OXR1: variants seen among roughly 807,000 people sequenced by gnomAD.
OXR1 encodes the protein oxidation resistance protein 1.
Under a neutral mutation model 104.6 loss-of-function variants are expected in OXR1, and 41 were observed. The ratio of observed to expected loss-of-function variants is 0.39; its 90% CI spans 0.31 to 0.51. The LOEUF is 0.51. OXR1 is among the 20% of genes least tolerant of loss of function. The probability of loss-of-function intolerance (pLI) is 0.77; values close to 1 mark genes in which losing one functional copy is unlikely to be tolerated. For missense variants in OXR1, 955 were observed against 1,031.9 expected, an observed-to-expected ratio of 0.93 and a Z score of 1.02; for synonymous variants, 348 against 348.4, an observed-to-expected ratio of 1.00 and a Z score of 0.01.
intron 3 of OXR1, among the ~76,000 whole-genome samples, chr8:106,655,232 C>A (rs1314067389): frequency 1.3e-5 from 2 of 151,860 alleles, no homozygotes; most frequent in Non-Finnish European, 2.9e-5. Flanking sequence ...GGCTTTATAA[C>A]CCTGAATTGT....
At chr8:106,441,167 A>T (rs1819765332) in intron 2 of OXR1, among the ~76,000 whole-genome samples, 1 of 152,156 alleles carries the variant, frequency 6.6e-6, no homozygotes, top group Admixed American at 6.6e-5. Context: ...CTGTTCACTG[A>T]ATAGATCCTT....
At chr8:106,402,630 A>T (rs990945873) in intron 2 of OXR1, among the ~76,000 whole-genome samples, 2 of 152,180 alleles carry the variant, frequency 1.3e-5, no homozygotes, top group Non-Finnish European at 1.5e-5. Flanking sequence ...ACCAGTGTCC[A>T]GTATTTCTCC....
At chr8:106,679,178 A>C (rs769302105) in intron 3 of OXR1, 32 bp from the exon 4 acceptor site, 1 of 1,312,890 alleles carries the variant, frequency 7.6e-7, no homozygotes, top group Non-Finnish European at 1.1e-6. Context: ...AAGAAAGATG[A>C]ATTTAATAGG....
chr8:106,396,255 T>C (rs1225349164), intron 2 of OXR1, among the ~76,000 whole-genome samples: 1 of 151,696 alleles, frequency 6.6e-6, no homozygotes, highest in East Asian at 1.9e-4. Context: ...TTCCAAAGAA[T>C]AGTGTTTGGA....
intron 3 of OXR1, among the ~76,000 whole-genome samples, chr8:106,642,402 G>C (rs1311520251): frequency 6.6e-6 from 1 of 152,140 alleles, no homozygotes; most frequent in East Asian, 1.9e-4. Flanking sequence ...TTCCTGGGTG[G>C]TGGTGGCTCT....
chr8:106,598,573 A>G (rs1819703039), intron 3 of OXR1, among the ~76,000 whole-genome samples: 1 of 152,246 alleles, frequency 6.6e-6, no homozygotes, highest in South Asian at 2.1e-4. Context: ...AGGAACCGAC[A>G]TGTCCAAAAT....
At chr8:106,274,062 A>G (rs1023359856) in intron 1 of OXR1, among the ~76,000 whole-genome samples, 2 of 152,210 alleles carry the variant, frequency 1.3e-5, no homozygotes, top group Non-Finnish European at 2.9e-5. Flanking sequence ...TTAGACAAAT[A>G]TTTATTTGAA....
intron 3 of OXR1, among the ~76,000 whole-genome samples, chr8:106,573,319 T>C (rs1407460255): frequency 6.8e-6 from 1 of 147,976 alleles, no homozygotes; most frequent in African/African-American, 2.5e-5. Flanking sequence ...CTCAGTCAAG[T>C]TGACACCTAC....
At chr8:106,382,682 GTTTTTT>G (rs35296978) in intron 2 of OXR1, among the ~76,000 whole-genome samples, 50 of 86,218 alleles carry the variant, frequency 5.8e-4, no homozygotes, top group Admixed American at 1.5e-3. Context: ...AGAACTATAG[GTTTTTT>G]TTTTTTTTTT....
intron 2 of OXR1, among the ~76,000 whole-genome samples, chr8:106,464,403 T>A (rs1382780480): frequency 6.6e-6 from 1 of 152,084 alleles, no homozygotes; most frequent in African/African-American, 2.4e-5. Flanking sequence ...TAATTAGATA[T>A]GTGCATCTGT....
chr8:106,616,396 C>G (rs902353928), intron 3 of OXR1, among the ~76,000 whole-genome samples: 2 of 151,764 alleles, frequency 1.3e-5, no homozygotes. Context: ...AGGAGCTTAA[C>G]TAGAAGTTTT....
intron 2 of OXR1, among the ~76,000 whole-genome samples, chr8:106,433,634 A>T (rs28523747): frequency 1.3e-5 from 2 of 152,000 alleles, no homozygotes; most frequent in East Asian, 3.9e-4. Context: ...AGCAAGGTAG[A>T]GTCAATTAGG....
intron 2 of OXR1, among the ~76,000 whole-genome samples, chr8:106,508,551 G>T (rs1812319220): frequency 6.6e-6 from 1 of 152,230 alleles, no homozygotes; most frequent in African/African-American, 2.4e-5. Context: ...GCTTTCAAAA[G>T]AAATCATTTC....
At chr8:106,429,654 T>G (rs1184069324) in intron 2 of OXR1, among the ~76,000 whole-genome samples, 1 of 128,858 alleles carries the variant, frequency 7.8e-6, no homozygotes, top group Non-Finnish European at 1.5e-5. Context: ...AGCAAGACTC[T>G]GTCTCAAAAA....
intron 1 of OXR1, among the ~76,000 whole-genome samples, chr8:106,271,096 G>A (rs550820772): frequency 4.6e-5 from 7 of 152,250 alleles, no homozygotes; most frequent in South Asian, 4.1e-4. Flanking sequence ...GGGTGAAGAG[G>A]GGGGGAGCTG....
chr8:106,750,575 T>C (rs1835817807), intron 16 of OXR1, among the ~76,000 whole-genome samples: 1 of 151,818 alleles, frequency 6.6e-6, no homozygotes, highest in Admixed American at 6.6e-5. Flanking sequence ...GGTGATCCGC[T>C]GGCCTCGGCC....
At chr8:106,595,550 CAAAAAAAAAAA>C (rs67790797) in intron 3 of OXR1, among the ~76,000 whole-genome samples, 19 of 60,746 alleles carry the variant, frequency 3.1e-4, no homozygotes, top group Non-Finnish European at 5.6e-4. Context: ...AACTCCGTCT[CAAAAAAAAAAA>C]AAAAAAAAAG....
chr8:106,467,947 A>C (rs1272165852), intron 2 of OXR1, among the ~76,000 whole-genome samples: 2 of 151,850 alleles, frequency 1.3e-5, no homozygotes, highest in African/African-American at 4.8e-5. Flanking sequence ...TGGGTGATTA[A>C]ATTAGGTTAA....
intron 1 of OXR1, among the ~76,000 whole-genome samples, chr8:106,316,691 T>TTCTATCTATCTATCTATCTATCTA (rs10610619): frequency 2.0e-4 from 27 of 132,376 alleles, no homozygotes; most frequent in Non-Finnish European, 2.6e-4. Flanking sequence ...CTCTCTTTTT[T>TTCTATCTATCTATCTATCTATCTA]TCTATCTATC....
Sources: allele counts gnomAD v4.1 joint callset (sites outside exome capture counted in the v4.1 genomes callset), GRCh38; gene constraint gnomAD v4.1.1; transcripts MANE v1.5; gene names NCBI Gene and HGNC (gene_info 2026-07-23, HGNC 2026-07-21).